Variants in ZNF595 observed in about 807,000 individuals in gnomAD.
ZNF595 encodes zinc finger protein 595.
ZNF595 carries 9 observed loss-of-function variants against 19.4 expected under a neutral mutation model. The ratio of observed to expected loss-of-function variants is 0.46; its 90% CI spans 0.28 to 0.81. ZNF595 has a LOEUF of 0.81. Ranked by LOEUF, ZNF595 falls within the 30% of genes least tolerant of loss-of-function variation. The pLI, the probability that ZNF595 is intolerant of heterozygous loss-of-function variation, is 0.11. For missense variants in ZNF595, 729 were observed against 736.0 expected, an observed-to-expected ratio of 0.99 and a Z score of 0.11; for synonymous variants, 255 against 255.9, an observed-to-expected ratio of 1.00 and a Z score of 0.03.
At chr4:82,395 T>TTTTTTTG (rs1713953437) in intron 3 of ZNF595, among the ~76,000 whole-genome samples, 1 of 141,468 alleles carries the variant, frequency 7.1e-6, no homozygotes. Context: ...TTTTTTTTTT[T>TTTTTTTG]TTTTTGAGAT....
chr4:78,253 C>T (rs1325321381), intron 3 of ZNF595, among the ~76,000 whole-genome samples: 1 of 152,172 alleles, frequency 6.6e-6, no homozygotes, highest in East Asian at 1.9e-4. Flanking sequence ...CGTGATCCAC[C>T]CACCTGGGCC....
In ZNF595 at chr4:76,498, T is replaced by TAATA. The variant is rs1713665377; in HGVS notation, c.227-9232_227-9231insATAA. Among the ~76,000 whole-genome samples the TAATA allele has an allele frequency of 6.6e-5, 10 of 152,324 alleles. 1 individual carries two copies. In the South Asian group the frequency reaches 2.1e-3, roughly 32 times the overall value. The stretch of plus-strand genomic sequence containing the variant: ...TTTATGTACCATAATTACAGTTTTA[T>TAATA]AGCCTTCTATATTTGACTATATATA... On this transcript the variant is annotated intron_variant, in intron 3 of 3. Transcript: ENST00000610261.
rs1714282268 is a variant in ZNF595 at position 87,519 on chromosome 4, C to T, written c.*68C>T. ...CAAATAAATTGGAGAATATTGCTCCCATATAAACTTGTATTATTTTTCTTA... is the reference window on the plus strand; with the variant it reads ...CAAATAAATTGGAGAATATTGCTCCTATATAAACTTGTATTATTTTTCTTA... On this transcript the variant is annotated 3_prime_UTR_variant, in exon 4 of 4. Transcript: ENST00000610261. 7 of 1,320,158 alleles carry T rather than the reference C, an allele frequency of 5.3e-6. No homozygotes were observed. In the African/African-American group the frequency reaches 1.0e-4, roughly 20 times the overall value. The allele number at this position is 1,320,158 out of a possible 1,614,324, so 81.8% of individuals were successfully genotyped here.
chr4:82,321 C>G (rs1371631175), intron 3 of ZNF595, among the ~76,000 whole-genome samples: 8 of 144,822 alleles, frequency 5.5e-5, no homozygotes, highest in Admixed American at 4.9e-4. Flanking sequence ...CAAGAGCATG[C>G]TAAAGTTTGT....
At chr4:81,218 A>T (rs1429529899) in intron 3 of ZNF595, among the ~76,000 whole-genome samples, 1 of 152,216 alleles carries the variant, frequency 6.6e-6, no homozygotes, top group Non-Finnish European at 1.5e-5. Flanking sequence ...ATTTTACATT[A>T]TAATTGTGTA....
chr4:85,445 G>C (rs1553800872), intron 3 of ZNF595, among the ~76,000 whole-genome samples: 1 of 152,180 alleles, frequency 6.6e-6, no homozygotes, highest in African/African-American at 2.4e-5. Context: ...TGGGGAGGAG[G>C]AAAGCTGTGG....
At chr4:61,095 CA>C (rs1426006698) in intron 3 of ZNF595, among the ~76,000 whole-genome samples, 4 of 152,238 alleles carry the variant, frequency 2.6e-5, no homozygotes, top group Non-Finnish European at 2.9e-5. Context: ...TCCTCACACT[CA>C]AAGGATTGGA....
intron 3 of ZNF595, among the ~76,000 whole-genome samples, chr4:80,045 G>A (rs907359085): frequency 1.3e-5 from 2 of 151,840 alleles, no homozygotes; most frequent in East Asian, 1.9e-4. Context: ...TTCTTGAGAC[G>A]AAGTTTCACT....
At chr4:84,076 C>A (rs1179719751) in intron 3 of ZNF595, among the ~76,000 whole-genome samples, 1 of 151,996 alleles carries the variant, frequency 6.6e-6, no homozygotes, top group African/African-American at 2.4e-5. Flanking sequence ...CTGGTTATTT[C>A]AGTTGCGTTT....
Position 87,715 on chromosome 4 carries a change from A to ATTTTTTTTTTT in ZNF595, c.*277_*287dup, listed in dbSNP as rs33985555. On this transcript the variant is annotated 3_prime_UTR_variant, in exon 4 of 4. Coordinates refer to ENST00000610261, the MANE Select transcript of ZNF595 (RefSeq NM_182524.4). Reference sequence around the variant, plus strand: ...ACACACAGTCCAGTTATACACTTTAATTTTTTTTTTTTTTTTTTTTTTTGA... The same window carrying ATTTTTTTTTTT: ...ACACACAGTCCAGTTATACACTTTAATTTTTTTTTTTTTTTTTTTTTTTTTTTTTTTTTTGA... The ATTTTTTTTTTT allele has an allele frequency of 8.5e-6, 1 of 117,586 alleles. No homozygotes were observed. The highest frequency in any genetic ancestry group is 3.5e-5 in the African/African-American group (1 of 28,352). The allele number at this position is 117,586 out of a possible 1,614,324, so 7.3% of individuals were successfully genotyped here.
Position 86,636 on chromosome 4 carries a change from A to G in ZNF595, c.1132A>G (p.Thr378Ala). Residue 378 changes from threonine to alanine, a missense_variant, in exon 4 of 4, where the codon ACT becomes GCT. By Grantham distance (58) the Thr-to-Ala change is moderately conservative. Coordinates refer to ENST00000610261, the MANE Select transcript of ZNF595 (RefSeq NM_182524.4). ...YKCEECGKAF[T>A]WSSSLNKHKR... ...ATGTGAAGAATGTGGCAAAGCCTTT[A>G]CTTGGTCCTCATCCCTTAATAAACA... The G allele has an allele frequency of 6.2e-7, 1 of 1,613,702 alleles. No homozygotes were observed. Among genetic ancestry groups the G allele is most frequent in the Non-Finnish European group, 8.5e-7 (1 of 1,179,850 alleles).
In ZNF595 at chr4:87,977, C is replaced by G. The variant is rs1714310094; in HGVS notation, c.*526C>G. The G allele has an allele frequency of 6.6e-6, 1 of 152,108 alleles. No homozygotes were observed. The highest frequency in any genetic ancestry group is 3.2e-3 in the Middle Eastern group (1 of 316). 9.4% of individuals were successfully genotyped at this position (152,108 alleles called of 1,614,324 possible). On this transcript the variant is annotated 3_prime_UTR_variant, in exon 4 of 4. Transcript: ENST00000610261. ...GCTCATGATCCACCCACCTCGGCCT[C>G]CCAAAGTGCTGGGATTACGGGTGTG...
At chr4:57,269 T>C (rs1712656980) in intron 1 of ZNF595, among the ~76,000 whole-genome samples, 1 of 151,382 alleles carries the variant, frequency 6.6e-6, no homozygotes, top group Non-Finnish European at 1.5e-5. Context: ...CCACTAAATA[T>C]CCAGAGCCAT....
At chr4:66,826 T>G (rs1319329737) in intron 3 of ZNF595, among the ~76,000 whole-genome samples, 3 of 152,188 alleles carry the variant, frequency 2.0e-5, no homozygotes, top group African/African-American at 7.2e-5. Context: ...CCACACTGTT[T>G]TTATTTAGCT....
chr4:86,926 T>A lies in ZNF595; in HGVS notation c.1422T>A (p.His474Gln). 6.2e-7 allele frequency: 1 copy of A among 1,610,888 alleles called. No individual in the cohort carries two copies. Among genetic ancestry groups the A allele is most frequent in the South Asian group, 1.1e-5 (1 of 90,570 alleles). Residue 474 changes from histidine (H) to glutamine (Q), a missense_variant, in exon 4 of 4, where the codon CAT becomes CAA. This residue lies in a region of ZNF595 where 729 missense variants were observed against 675.3 expected (regional missense o/e 1.08). Transcript: ENST00000610261. ...CACTGAACGAACATAAGAAAATTCA[T>A]ACTGGCGAGAAACCCTACAAATGTG... Reference protein sequence around the residue: ...STTLNEHKKIHTGEKPYKCEE... With the variant: ...STTLNEHKKIQTGEKPYKCEE...
intron 3 of ZNF595, among the ~76,000 whole-genome samples, chr4:74,972 A>G (rs1296101817): frequency 1.3e-5 from 2 of 152,046 alleles, no homozygotes; most frequent in Non-Finnish European, 2.9e-5. Flanking sequence ...TATTTGTTAT[A>G]TTATTTTGAC....
intron 3 of ZNF595, among the ~76,000 whole-genome samples, chr4:73,176 AG>A (rs1421628632): frequency 6.6e-6 from 1 of 152,236 alleles, no homozygotes; most frequent in African/African-American, 2.4e-5. Context: ...ACCAAGCATA[AG>A]ACCTGCAAGC....
chr4:71,971 G>A (rs1230678288), intron 3 of ZNF595, among the ~76,000 whole-genome samples: 1 of 152,108 alleles, frequency 6.6e-6, no homozygotes, highest in African/African-American at 2.4e-5. Context: ...TTGGGAGGGT[G>A]GTCATTGAGT....
chr4:86,558 T>C lies in ZNF595; in HGVS notation c.1054T>C (p.Ser352Pro). 2 of 1,613,716 alleles carry C rather than the reference T, an allele frequency of 1.2e-6. No individual in the cohort carries two copies. The highest frequency in any genetic ancestry group is 1.7e-6 in the Non-Finnish European group (2 of 1,179,830). Residue 352 changes from serine (S) to proline (P), a missense_variant, in exon 4 of 4, where the codon TCC becomes CCC. Around this residue, in one of 2 missense-constraint regions of ZNF595, gnomAD observed 729 missense variants for 675.3 expected, o/e 1.08. Transcript: ENST00000610261. ...CEKCGKAFNQ[S>P]SSLIIHRSIH... The stretch of plus-strand genomic sequence containing the variant: ...AAAATGTGGCAAAGCTTTTAACCAA[T>C]CCTCAAGTCTTATTATACACAGGAG...
Sources: allele counts gnomAD v4.1 joint callset (sites outside exome capture counted in the v4.1 genomes callset), GRCh38; gene constraint gnomAD v4.1.1; regional missense constraint gnomAD v4.1.1; transcripts MANE v1.5; gene names NCBI Gene and HGNC (gene_info 2026-07-23, HGNC 2026-07-21).